GRID1: variants seen among roughly 807,000 people sequenced by gnomAD.
GRID1 encodes glutamate ionotropic receptor delta type subunit 1, also known as glutamate receptor ionotropic, delta-1.
Under a neutral mutation model 98.0 loss-of-function variants are expected in GRID1, and 28 were observed. The observed-to-expected ratio is 0.29, with a 90% CI of 0.21 to 0.39. The LOEUF is 0.39. Ranked by LOEUF, GRID1 falls within the 10% of genes least tolerant of loss-of-function variation. The pLI, the probability that GRID1 is intolerant of heterozygous loss-of-function variation, is 1.00. For synonymous variants in GRID1, 553 were observed against 538.5 expected, an observed-to-expected ratio of 1.03 and a Z score of -0.37; for missense variants, 1,111 against 1,340.5, an observed-to-expected ratio of 0.83 and a Z score of 2.67.
chr10:85,825,137 G>A (rs919022383), intron 8 of GRID1, among the ~76,000 whole-genome samples: 6 of 152,190 alleles, frequency 3.9e-5, no homozygotes, highest in African/African-American at 1.4e-4. Context: ...CATATAGGTT[G>A]TACTAATTTA....
At chr10:85,999,721 T>G (rs890820084) in intron 4 of GRID1, among the ~76,000 whole-genome samples, 2 of 152,152 alleles carry the variant, frequency 1.3e-5, no homozygotes, top group East Asian at 1.9e-4. Flanking sequence ...AAAAACCAAC[T>G]TGATTACATC....
At chr10:85,952,139 A>G (rs572589627) in intron 4 of GRID1, among the ~76,000 whole-genome samples, 59 of 152,378 alleles carry the variant, frequency 3.9e-4, no homozygotes, top group Non-Finnish European at 7.3e-4. Flanking sequence ...CAGTGCCTAC[A>G]TGGGAATGGC....
At chr10:85,696,774 T>C (rs1445643350) in intron 12 of GRID1, among the ~76,000 whole-genome samples, 1 of 152,052 alleles carries the variant, frequency 6.6e-6, no homozygotes, top group Non-Finnish European at 1.5e-5. Context: ...GTTTCTAATA[T>C]AGGCATTTAA....
intron 2 of GRID1, among the ~76,000 whole-genome samples, chr10:86,345,751 C>G (rs1032092091): frequency 6.6e-6 from 1 of 152,152 alleles, no homozygotes; most frequent in Admixed American, 6.5e-5. Context: ...CATCCTAGAT[C>G]CTTTGATGCT....
intron 3 of GRID1, among the ~76,000 whole-genome samples, chr10:86,168,610 C>A (rs1238052111): frequency 6.6e-6 from 1 of 152,218 alleles, no homozygotes; most frequent in South Asian, 2.1e-4. Context: ...TGAGGAGCTG[C>A]CCTTCTTCAC....
intron 5 of GRID1, among the ~76,000 whole-genome samples, chr10:85,909,097 A>G (rs1341630942): frequency 6.6e-6 from 1 of 152,238 alleles, no homozygotes; most frequent in African/African-American, 2.4e-5. Flanking sequence ...ATAAGAAAAC[A>G]AAAAATCCAA....
intron 4 of GRID1, among the ~76,000 whole-genome samples, chr10:86,080,411 G>GGGGAGGGGAC (rs1843954362): frequency 3.0e-4 from 4 of 13,504 alleles, no homozygotes; most frequent in African/African-American, 1.7e-3. Context: ...GGGAAGGGAA[G>GGGGAGGGGAC]GGGAGGGGAG....
intron 3 of GRID1, among the ~76,000 whole-genome samples, chr10:86,203,657 T>C (rs1845985780): frequency 6.6e-6 from 1 of 151,780 alleles, no homozygotes. Flanking sequence ...AAGAGTTCTC[T>C]GGCCTCCAGC....
chr10:85,987,223 C>T (rs1432919949), intron 4 of GRID1, among the ~76,000 whole-genome samples: 3 of 152,026 alleles, frequency 2.0e-5, no homozygotes, highest in African/African-American at 7.2e-5. Context: ...CCTTGAACAG[C>T]CTGGACTGCC....
intron 14 of GRID1, among the ~76,000 whole-genome samples, chr10:85,618,049 T>C (rs1842812379): frequency 6.6e-6 from 1 of 152,202 alleles, no homozygotes; most frequent in Non-Finnish European, 1.5e-5. Flanking sequence ...GGTTGAGTAT[T>C]CTCAGGTTCT....
chr10:85,602,381 C>T lies in GRID1; in HGVS notation c.2922G>A (p.Gly974=), dbSNP rs919800461. Residue 974 remains glycine (G), a synonymous_variant, in exon 16 of 16, where the codon GGG becomes GGA. Transcript: ENST00000327946. ...MQCKHRSPNG[G]LFRQSPVKTP... is the part of the protein sequence containing the mutation. ...TCTTCACCGGGCTCTGCCGGAACAGCCCCCCGTTGGGTGACCTGTGTTTGC... is the reference window on the plus strand; with the variant it reads ...TCTTCACCGGGCTCTGCCGGAACAGTCCCCCGTTGGGTGACCTGTGTTTGC... 3 of 1,607,062 alleles carry T rather than the reference C, an allele frequency of 1.9e-6. No individual in the cohort carries two copies. The Admixed American group carries it at 5.0e-5, about 27-fold the overall frequency.
intron 4 of GRID1, among the ~76,000 whole-genome samples, chr10:85,977,739 T>C (rs1444074955): frequency 6.6e-6 from 1 of 152,034 alleles, no homozygotes; most frequent in African/African-American, 2.4e-5. Flanking sequence ...CTATTTCACA[T>C]CCAGAAATAC....
chr10:85,705,710 A>G (rs993196505), intron 12 of GRID1, among the ~76,000 whole-genome samples: 6 of 152,228 alleles, frequency 3.9e-5, no homozygotes, highest in African/African-American at 1.4e-4. Flanking sequence ...AATCCTCAAT[A>G]AAATATTGGC....
At chr10:85,664,468 T>A (rs1473663785) in intron 12 of GRID1, among the ~76,000 whole-genome samples, 1 of 152,212 alleles carries the variant, frequency 6.6e-6, no homozygotes, top group Non-Finnish European at 1.5e-5. Context: ...TTTCCATCTC[T>A]GTTTCCAGTT....
chr10:85,904,023 G>A (rs1458499970), intron 5 of GRID1, among the ~76,000 whole-genome samples: 2 of 152,170 alleles, frequency 1.3e-5, no homozygotes, highest in Non-Finnish European at 2.9e-5. Flanking sequence ...TGCCTTACAT[G>A]ATTGTATTAC....
At chr10:85,929,289 G>A (rs750293204) in intron 4 of GRID1, among the ~76,000 whole-genome samples, 1 of 151,542 alleles carries the variant, frequency 6.6e-6, no homozygotes, top group Non-Finnish European at 1.5e-5. Flanking sequence ...GTGACTCAAA[G>A]GTTTAACTCA....
At chr10:86,345,635 A>G (rs1440204496) in intron 2 of GRID1, among the ~76,000 whole-genome samples, 1 of 152,160 alleles carries the variant, frequency 6.6e-6, no homozygotes, top group Non-Finnish European at 1.5e-5. Context: ...GGAGCTGACT[A>G]GCCTGTGCAA....
chr10:86,005,287 G>A (rs1290558869), intron 4 of GRID1, among the ~76,000 whole-genome samples: 1 of 151,716 alleles, frequency 6.6e-6, no homozygotes, highest in East Asian at 1.9e-4. Context: ...CCTCCCCCAG[G>A]GCATACATTT....
chr10:85,992,240 T>A (rs529211086), intron 4 of GRID1, among the ~76,000 whole-genome samples: 1 of 152,118 alleles, frequency 6.6e-6, no homozygotes, highest in African/African-American at 2.4e-5. Flanking sequence ...GCCATGGAGA[T>A]TTGTGAGGAG....
Sources: gnomAD v4.1 joint callset for allele counts (sites outside exome capture counted in the v4.1 genomes callset) on GRCh38, gnomAD v4.1.1 for gene constraint, MANE v1.5 for transcripts, NCBI Gene and HGNC (gene_info 2026-07-23, HGNC 2026-07-21) for gene names.